Variants in ADAM12 observed in about 807,000 individuals in gnomAD.
ADAM12 encodes the protein disintegrin and metalloproteinase domain-containing protein 12.
A neutral mutation model predicts 106.4 loss-of-function variants in ADAM12; 70 were observed. That is an observed-to-expected ratio of 0.66 (90% CI 0.54 to 0.80). The LOEUF is 0.80. ADAM12 is among the 30% of genes least tolerant of loss of function. The probability of loss-of-function intolerance (pLI) is 0.00; values close to 1 mark genes in which losing one functional copy is unlikely to be tolerated. For synonymous variants in ADAM12, 420 were observed against 433.5 expected (o/e 0.97, Z 0.39); for missense variants, 1,010 against 1,171.9 (o/e 0.86, Z 2.02).
intron 3 of ADAM12, among the ~76,000 whole-genome samples, chr10:126,202,689 C>A (rs567439929): frequency 6.6e-6 from 1 of 152,154 alleles, no homozygotes; most frequent in African/African-American, 2.4e-5. Flanking sequence ...ACAAACTACT[C>A]ACAACGTACA....
chr10:126,139,673 G>C (rs1268277773), intron 4 of ADAM12, among the ~76,000 whole-genome samples: 1 of 152,050 alleles, frequency 6.6e-6, no homozygotes, highest in African/African-American at 2.4e-5. Context: ...ATCCAGGGGT[G>C]GGGTTAGTTC....
chr10:126,351,750 C>G (rs1855367358), intron 1 of ADAM12, among the ~76,000 whole-genome samples: 2 of 152,062 alleles, frequency 1.3e-5, no homozygotes, highest in East Asian at 3.9e-4. Context: ...CAAGACAATG[C>G]CTTCAACTGT....
intron 3 of ADAM12, among the ~76,000 whole-genome samples, chr10:126,266,229 C>T (rs1202504013): frequency 6.6e-6 from 1 of 152,170 alleles, no homozygotes; most frequent in Non-Finnish European, 1.5e-5. Flanking sequence ...ACACAGGTGA[C>T]TTGGGGGCCC....
At chr10:126,177,395 C>T (rs1406210054) in intron 3 of ADAM12, among the ~76,000 whole-genome samples, 2 of 152,136 alleles carry the variant, frequency 1.3e-5, no homozygotes, top group Non-Finnish European at 2.9e-5. Flanking sequence ...AGCACTCTCT[C>T]ATTTAGTACT....
At chr10:126,215,469 G>A (rs142407066) in intron 3 of ADAM12, among the ~76,000 whole-genome samples, 31 of 152,238 alleles carry the variant, frequency 2.0e-4, no homozygotes, top group East Asian at 9.7e-4. Context: ...GGGCCCCCCC[G>A]AAATCACAGC....
At position 126,387,987 on chromosome 10, in the gene ADAM12, G is replaced by C. The variant is rs1021857218; in HGVS notation, c.88+71C>G. 49 of 1,184,544 alleles carry C rather than the reference G, an allele frequency of 4.1e-5. No homozygotes were observed. The African/African-American group carries it at 6.1e-4, about 15-fold the overall frequency. The allele number at this position is 1,184,544 out of a possible 1,614,324, so 73.4% of individuals were successfully genotyped here. On this transcript the variant is annotated intron_variant, in intron 1 of 22. Coordinates refer to ENST00000448723, the MANE Select transcript of ADAM12 (RefSeq NM_001288973.2). ...GCCCCTCGGGGCAGCCCTGGACCTC[G>C]GCGCGCCCAGGCGCAGCGTGCGGTG...
intron 3 of ADAM12, among the ~76,000 whole-genome samples, chr10:126,243,399 C>G (rs1224593389): frequency 6.6e-6 from 1 of 152,106 alleles, no homozygotes; most frequent in Non-Finnish European, 1.5e-5. Flanking sequence ...TCTCATGCAT[C>G]TTACTTAATT....
chr10:126,135,364 A>G, intron 5 of ADAM12: 1 of 539,050 alleles, frequency 1.9e-6, no homozygotes, highest in Non-Finnish European at 3.3e-6. Context: ...TGAGGATGGC[A>G]CTGTAAGAGG....
At chr10:126,310,456 G>A (rs530900386) in intron 2 of ADAM12, among the ~76,000 whole-genome samples, 1 of 152,134 alleles carries the variant, frequency 6.6e-6, no homozygotes, top group Admixed American at 6.5e-5. Context: ...AGAGAAGCAA[G>A]GTATTTACCA....
chr10:126,341,212 C>CA (rs1353522606), intron 1 of ADAM12, among the ~76,000 whole-genome samples: 1 of 152,150 alleles, frequency 6.6e-6, no homozygotes, highest in Non-Finnish European at 1.5e-5. Context: ...CTATCAGTAT[C>CA]AAATCTTGTT....
At chr10:126,208,876 C>T (rs1313066566) in intron 3 of ADAM12, among the ~76,000 whole-genome samples, 4 of 150,144 alleles carry the variant, frequency 2.7e-5, no homozygotes, top group Non-Finnish European at 5.9e-5. Context: ...TTCCTGTTAC[C>T]ACCCACATCT....
intron 3 of ADAM12, among the ~76,000 whole-genome samples, chr10:126,238,098 T>C (rs1406292134): frequency 6.6e-6 from 1 of 152,270 alleles, no homozygotes; most frequent in East Asian, 1.9e-4. Context: ...ATGGTTTTAT[T>C]TGTAAAAGTG....
At chr10:126,331,703 G>A (rs1715712837) in intron 1 of ADAM12, among the ~76,000 whole-genome samples, 1 of 152,170 alleles carries the variant, frequency 6.6e-6, no homozygotes. Flanking sequence ...GGGCTGAGCT[G>A]CAACCCTCGA....
At chr10:126,124,233 T>G (rs1289958362) in intron 5 of ADAM12, among the ~76,000 whole-genome samples, 2 of 152,028 alleles carry the variant, frequency 1.3e-5, no homozygotes, top group Non-Finnish European at 2.9e-5. Flanking sequence ...ACTTTTGGTC[T>G]CAGTGTGGTG....
chr10:126,343,869 T>C (rs1190046052), intron 1 of ADAM12, among the ~76,000 whole-genome samples: 1 of 152,212 alleles, frequency 6.6e-6, no homozygotes, highest in Non-Finnish European at 1.5e-5. Context: ...CACTTTTTGA[T>C]GGGGTTGTTT....
intron 12 of ADAM12, among the ~76,000 whole-genome samples, chr10:126,067,971 A>G (rs545880323): frequency 6.6e-6 from 1 of 152,304 alleles, no homozygotes; most frequent in East Asian, 1.9e-4. Flanking sequence ...ACTATATCCT[A>G]TGTAAAACTC....
chr10:126,122,780 C>T (rs1714369448), intron 5 of ADAM12, among the ~76,000 whole-genome samples: 1 of 151,984 alleles, frequency 6.6e-6, no homozygotes, highest in Admixed American at 6.6e-5. Context: ...AAAACAAAAA[C>T]AGGCAAGGGG....
intron 14 of ADAM12, among the ~76,000 whole-genome samples, chr10:126,062,740 A>G (rs1475350224): frequency 2.0e-5 from 3 of 152,124 alleles, no homozygotes; most frequent in Admixed American, 2.0e-4. Flanking sequence ...TAAGGAACAC[A>G]TTTCACTCCC....
At chr10:126,143,668 ATATG>A (rs1956569358) in intron 4 of ADAM12, among the ~76,000 whole-genome samples, 1 of 150,668 alleles carries the variant, frequency 6.6e-6, no homozygotes, top group African/African-American at 2.4e-5. Flanking sequence ...GCATATGTGT[ATATG>A]TATGTGCATA....
Sources: allele counts gnomAD v4.1 joint callset (sites outside exome capture counted in the v4.1 genomes callset), GRCh38; gene constraint gnomAD v4.1.1; transcripts MANE v1.5; gene names NCBI Gene and HGNC (gene_info 2026-07-23, HGNC 2026-07-21).